ITPR2: variants seen among roughly 807,000 people sequenced by gnomAD.
ITPR2 encodes inositol 1,4,5-trisphosphate-gated calcium channel ITPR2.
Under a neutral mutation model 317.1 loss-of-function variants are expected in ITPR2, and 207 were observed. The observed-to-expected ratio is 0.65, with a 90% CI of 0.58 to 0.73. The LOEUF (loss-of-function observed/expected upper bound fraction) is 0.73. Among genes scored for constraint, ITPR2 ranks in the 30% least tolerant of loss-of-function variants. The pLI is 0.00. For synonymous variants in ITPR2, 1,156 were observed against 1,149.1 expected, an observed-to-expected ratio of 1.01 and a Z score of -0.12; for missense variants, 2,613 against 3,284.0, an observed-to-expected ratio of 0.80 and a Z score of 4.99.
intron 34 of ITPR2, among the ~76,000 whole-genome samples, chr12:26,575,950 C>T (rs2137065033): frequency 6.6e-6 from 1 of 152,196 alleles, no homozygotes; most frequent in East Asian, 1.9e-4. Context: ...CTGGTATTTC[C>T]CTGCCTTGCG....
At chr12:26,490,881 G>A (rs1372054296) in intron 39 of ITPR2, among the ~76,000 whole-genome samples, 1 of 152,190 alleles carries the variant, frequency 6.6e-6, no homozygotes, top group East Asian at 1.9e-4. Flanking sequence ...TTATAACAGG[G>A]GCACATAGTA....
At position 26,561,953 on chromosome 12, in the gene ITPR2, C is replaced by T. The variant is rs759518958; in HGVS notation, c.4631-1G>A. ...GGAATGGCAATTCCACGATTTTTTGCTGAAAAAGAAAGATTTAAAATATTT... is the reference window on the plus strand; with the variant it reads ...GGAATGGCAATTCCACGATTTTTTGTTGAAAAAGAAAGATTTAAAATATTT... On this transcript the variant is annotated splice_acceptor_variant, in intron 34 of 56. Coordinates refer to ENST00000381340, the MANE Select transcript of ITPR2 (RefSeq NM_002223.4). LOFTEE classifies it high-confidence loss of function. The T allele has an allele frequency of 6.6e-7, 1 of 1,506,198 alleles. No homozygotes were observed. Among genetic ancestry groups the T allele is most frequent in the Admixed American group, 2.6e-5 (1 of 38,732 alleles). 93.3% of individuals were successfully genotyped at this position (1,506,198 alleles called of 1,614,324 possible). A position where few individuals can be genotyped will look rare whatever the true frequency, so the allele number is the denominator to read the frequency against.
At chr12:26,399,899 AC>A (rs1266888673) in intron 53 of ITPR2, among the ~76,000 whole-genome samples, 1 of 152,238 alleles carries the variant, frequency 6.6e-6, no homozygotes, top group Admixed American at 6.5e-5. Context: ...AATACAATAC[AC>A]AGATTAACTT....
rs535502888 is a variant in ITPR2, at chr12:26,656,290, A to G, written c.2444+7T>C. 1 of 1,613,108 alleles carries G rather than the reference A, an allele frequency of 6.2e-7. No homozygotes were observed. Among genetic ancestry groups the G allele is most frequent in the African/African-American group, 1.3e-5 (1 of 75,004 alleles). Reference sequence around the variant, plus strand: ...TCCAAAGCCTCAAGACCTTTTTCCAAACATACTCATGAATTGTGATCTTTG... The same window carrying G: ...TCCAAAGCCTCAAGACCTTTTTCCAGACATACTCATGAATTGTGATCTTTG... On this transcript the variant is annotated splice_region_variant and intron_variant, in intron 19 of 56. Transcript: ENST00000381340.
chr12:26,475,469 A>G, intron 44 of ITPR2, 51 bp from the exon 45 acceptor site: 1 of 1,580,144 alleles, frequency 6.3e-7, no homozygotes, highest in Non-Finnish European at 8.6e-7. Flanking sequence ...CATCTGCTTT[A>G]TATTTTTATG....
intron 18 of ITPR2, among the ~76,000 whole-genome samples, chr12:26,656,773 C>CA (rs892884571): frequency 6.6e-6 from 1 of 152,154 alleles, no homozygotes; most frequent in African/African-American, 2.4e-5. Flanking sequence ...CTTGTTTCAG[C>CA]AAAATGTGTC....
chr12:26,695,730 A>AT (rs3830260), intron 9 of ITPR2, 80 bp from the exon 10 acceptor site: 732,182 of 874,992 alleles, frequency 0.84, 307,406 homozygotes, highest in Admixed American at 0.9. Flanking sequence ...AATTCAATTA[A>AT]TATTCTATCC....
At position 26,420,849 on chromosome 12, in the gene ITPR2, AAG is replaced by A. The variant is rs1255148226; in HGVS notation, c.6946-1638_6946-1637del. On this transcript the variant is annotated intron_variant, in intron 49 of 56. Transcript: ENST00000381340. The stretch of plus-strand genomic sequence containing the variant: ...ATAAACACCCCTAAAAATGGTGAAA[AAG>A]AGAGTGTCCAGAAGTCATATTCAGT... Among the ~76,000 whole-genome samples, 8 of 152,270 alleles carry A rather than the reference AAG, an allele frequency of 5.3e-5. No individual in the cohort carries two copies. The East Asian group carries it at 5.8e-4, about 11-fold the overall frequency.
rs188852079 is a variant in ITPR2, at chr12:26,348,880, C to T, written c.7858-8552G>A. ...GTGCACACCTATAGTCCATCTTGGT[C>T]AACATACCAAGACCTCATCGCTACT... On this transcript the variant is annotated intron_variant, in intron 55 of 56. Transcript: ENST00000381340. 2.1e-4 allele frequency among the ~76,000 whole-genome samples: 32 copies of T among 152,070 alleles called. No homozygotes were observed. The East Asian group carries it at 5.2e-3, about 25-fold the overall frequency.
At chr12:26,505,255 TCCTGG>T (rs1476526008) in intron 37 of ITPR2, among the ~76,000 whole-genome samples, 1 of 152,194 alleles carries the variant, frequency 6.6e-6, no homozygotes, top group Non-Finnish European at 1.5e-5. Context: ...TCTCTTTGAA[TCCTGG>T]CTAAAATCCA....
At chr12:26,770,804 A>T (rs1044511788) in intron 2 of ITPR2, among the ~76,000 whole-genome samples, 2 of 152,210 alleles carry the variant, frequency 1.3e-5, no homozygotes, top group Non-Finnish European at 2.9e-5. Context: ...ACAACAAATC[A>T]ACACAAAATT....
At position 26,597,044 on chromosome 12, in the gene ITPR2, G is replaced by T. The variant is rs781468785; in HGVS notation, c.4093C>A (p.Arg1365=). The T allele has an allele frequency of 6.2e-7, 1 of 1,613,940 alleles. No homozygotes were observed. The highest frequency in any genetic ancestry group is 1.3e-5 in the African/African-American group (1 of 74,972). Residue 1365 remains arginine (R), a synonymous_variant, in exon 31 of 57, where the codon CGA becomes AGA. Coordinates refer to ENST00000381340, the MANE Select transcript of ITPR2 (RefSeq NM_002223.4). Reference sequence around the variant, plus strand: ...GCTAAGGGGCCACTCTCATCCCCTCGGTCTCTCTCTGAACACATCATATGG... The same window carrying T: ...GCTAAGGGGCCACTCTCATCCCCTCTGTCTCTCTCTGAACACATCATATGG... ...LLHMMCSERD[R]GDESGPLAYH...
intron 37 of ITPR2, among the ~76,000 whole-genome samples, chr12:26,541,952 T>A (rs1000924934): frequency 4.6e-4 from 70 of 152,072 alleles, no homozygotes; most frequent in African/African-American, 1.6e-3. Context: ...TTATTCCATA[T>A]CACTCCGGAT....
chr12:26,469,054 G>T (rs1440684835), intron 45 of ITPR2, among the ~76,000 whole-genome samples: 1 of 152,112 alleles, frequency 6.6e-6, no homozygotes, highest in African/African-American at 2.4e-5. Flanking sequence ...CCTCTTCCAA[G>T]AAGCTCTCTT....
At chr12:26,612,266 A>C (rs2136777497) in intron 26 of ITPR2, among the ~76,000 whole-genome samples, 1 of 152,304 alleles carries the variant, frequency 6.6e-6, no homozygotes, top group South Asian at 2.1e-4. Flanking sequence ...AAAATGAAGA[A>C]TCACATTAAA....
In ITPR2 at chr12:26,772,491, C is replaced by CATGTATTATATATAATACATTATTAT. The variant is rs3064583; in HGVS notation, c.163+17665_163+17666insATAATAATGTATTATATATAATACAT. Among the ~76,000 whole-genome samples, 390 of 99,826 alleles carry CATGTATTATATATAATACATTATTAT rather than the reference C, an allele frequency of 3.9e-3. 3 individuals are homozygous for CATGTATTATATATAATACATTATTAT. The highest frequency in any genetic ancestry group is 7.1e-3 in the East Asian group (29 of 4,056). The allele number at this position is 99,826 out of a possible 152,430, so 65.5% of individuals were successfully genotyped here. A position where few individuals can be genotyped will look rare whatever the true frequency, so the allele number is the denominator to read the frequency against. On this transcript the variant is annotated intron_variant, in intron 2 of 56. Transcript: ENST00000381340. ...TGTATTATATATAATATATATAATA[C>CATGTATTATATATAATACATTATTAT]ATATAATACATGTATTATATATAAT...
chr12:26,605,367 G>A (rs1449519244), intron 26 of ITPR2, among the ~76,000 whole-genome samples: 1 of 144,994 alleles, frequency 6.9e-6, no homozygotes, highest in Non-Finnish European at 1.5e-5. Flanking sequence ...GGTGAAGGCT[G>A]GATTTTTAAA....
At chr12:26,548,451 C>T (rs937885380) in intron 37 of ITPR2, among the ~76,000 whole-genome samples, 2 of 152,152 alleles carry the variant, frequency 1.3e-5, no homozygotes, top group East Asian at 3.8e-4. Flanking sequence ...GTGATCTCTT[C>T]CCTACACTAT....
At chr12:26,785,156 C>T (rs1950201095) in intron 2 of ITPR2, among the ~76,000 whole-genome samples, 1 of 40,996 alleles carries the variant, frequency 2.4e-5, no homozygotes, top group Non-Finnish European at 5.9e-5. Flanking sequence ...GCAGCCACCC[C>T]GTCCGGGAGG....
Sources: allele counts gnomAD v4.1 joint callset (sites outside exome capture counted in the v4.1 genomes callset), GRCh38; gene constraint gnomAD v4.1.1; transcripts MANE v1.5; gene names NCBI Gene and HGNC (gene_info 2026-07-23, HGNC 2026-07-21).